The following RIMS1 variants were observed in gnomAD, a reference collection of about 807,000 sequenced individuals.
RIMS1 encodes the protein regulating synaptic membrane exocytosis protein 1.
In RIMS1, 83 loss-of-function variants were observed where a neutral mutation model predicts 214.1. The ratio of observed to expected loss-of-function variants is 0.39; its 90% CI spans 0.32 to 0.47. The LOEUF (loss-of-function observed/expected upper bound fraction) is 0.47. RIMS1 is among the 20% of genes least tolerant of loss of function. The pLI is 0.99. For synonymous variants in RIMS1, 793 were observed against 786.8 expected (o/e 1.01, Z -0.13); for missense variants, 2,050 against 2,161.8 (o/e 0.95, Z 1.03).
chr6:72,194,254 G>A (rs1264457492), intron 6 of RIMS1, among the ~76,000 whole-genome samples: 1 of 151,974 alleles, frequency 6.6e-6, no homozygotes, highest in South Asian at 2.1e-4. Flanking sequence ...AGAATAGTAT[G>A]TCATTTTTGA....
At chr6:72,186,176 C>T (rs2049067458) in intron 6 of RIMS1, among the ~76,000 whole-genome samples, 1 of 152,234 alleles carries the variant, frequency 6.6e-6, no homozygotes, top group Admixed American at 6.5e-5. Flanking sequence ...TTTCTGACTA[C>T]TTGGGGGTCA....
intron 4 of RIMS1, among the ~76,000 whole-genome samples, chr6:72,166,056 G>A (rs1451525406): frequency 2.0e-5 from 3 of 152,120 alleles, no homozygotes; most frequent in Non-Finnish European, 1.5e-5. Context: ...CACAGTTCTG[G>A]AGACTGAGAA....
Position 72,271,424 on chromosome 6 carries a change from A to T in RIMS1, c.3399-2925A>T, listed in dbSNP as rs1024138657. Among the ~76,000 whole-genome samples, 58 of 151,396 alleles carry T rather than the reference A, an allele frequency of 3.8e-4. 2 individuals are homozygous for T. The highest frequency in any genetic ancestry group is 3.8e-3 in the Admixed American group (57 of 15,166). On this transcript the variant is annotated intron_variant, in intron 22 of 33. Coordinates refer to ENST00000521978, the MANE Select transcript of RIMS1 (RefSeq NM_014989.7). The stretch of plus-strand genomic sequence containing the variant: ...AAAATATATATGTGTATAATCAGTT[A>T]TCTCATTTGTTTTGGTTTCTAATGT...
intron 2 of RIMS1, among the ~76,000 whole-genome samples, chr6:71,972,226 G>A (rs139673853): frequency 6.6e-6 from 1 of 152,270 alleles, no homozygotes; most frequent in African/African-American, 2.4e-5. Flanking sequence ...AATAAGGGAT[G>A]AAAAGTGTGC....
At chr6:72,275,120 G>A (rs1475403788) in intron 23 of RIMS1, among the ~76,000 whole-genome samples, 2 of 81,514 alleles carry the variant, frequency 2.5e-5, no homozygotes, top group African/African-American at 4.5e-5. Context: ...CTATTTTATG[G>A]TATATATATA....
chr6:72,002,702 A>G (rs1316920867), intron 2 of RIMS1, among the ~76,000 whole-genome samples: 2 of 152,174 alleles, frequency 1.3e-5, no homozygotes, highest in Non-Finnish European at 2.9e-5. Flanking sequence ...TGAACGGGGA[A>G]CTCAGGGCAG....
chr6:72,351,967 G>C lies in RIMS1; in HGVS notation c.4366+18132G>C, dbSNP rs187136698. ...TTACTTATGAGGAAATTGAAACACAGAGAGGTATGTAACATGCCTGAGTTC... is the reference window on the plus strand; with the variant it reads ...TTACTTATGAGGAAATTGAAACACACAGAGGTATGTAACATGCCTGAGTTC... On this transcript the variant is annotated intron_variant, in intron 29 of 33. Coordinates refer to ENST00000521978, the MANE Select transcript of RIMS1 (RefSeq NM_014989.7). 4.1e-4 allele frequency among the ~76,000 whole-genome samples: 63 copies of C among 152,278 alleles called. 2 individuals are homozygous for C. Among genetic ancestry groups the C allele is most frequent in the African/African-American group, 1.5e-3 (61 of 41,576 alleles).
In RIMS1 at chr6:71,973,122, C is replaced by A. The variant is rs529162128; in HGVS notation, c.245+4059C>A. Among the ~76,000 whole-genome samples the A allele has an allele frequency of 2.0e-3, 303 of 152,290 alleles. 4 individuals are homozygous for A. The highest frequency in any genetic ancestry group is 7.0e-3 in the African/African-American group (293 of 41,566). On this transcript the variant is annotated intron_variant, in intron 2 of 33. Transcript: ENST00000521978. ...ACAGGGTTTCACCATGTTGGTCAGG[C>A]TGGTCTTGAACTCCTGACTTCGTGA...
chr6:72,234,945 A>G (rs929113929), intron 7 of RIMS1, among the ~76,000 whole-genome samples: 2 of 152,014 alleles, frequency 1.3e-5, no homozygotes, highest in Non-Finnish European at 2.9e-5. Flanking sequence ...TTTTGTCTGG[A>G]TATGCCCAGT....
At chr6:72,029,392 A>G (rs1415469544) in intron 2 of RIMS1, among the ~76,000 whole-genome samples, 1 of 152,148 alleles carries the variant, frequency 6.6e-6, no homozygotes, top group Non-Finnish European at 1.5e-5. Context: ...TGCCAATGTA[A>G]GAGGTTGGGC....
chr6:72,094,378 T>C (rs2030487290), intron 2 of RIMS1, among the ~76,000 whole-genome samples: 1 of 152,174 alleles, frequency 6.6e-6, no homozygotes, highest in South Asian at 2.1e-4. Context: ...ATCTCAGTGG[T>C]CAGTGCCCTG....
chr6:72,054,855 T>G (rs192938048), intron 2 of RIMS1, among the ~76,000 whole-genome samples: 1 of 152,306 alleles, frequency 6.6e-6, no homozygotes, highest in Non-Finnish European at 1.5e-5. Context: ...ATTGCAAAAA[T>G]GTTCTCCCGT....
intron 9 of RIMS1, 119 bp downstream of exon 9, chr6:72,238,041 A>ATG (rs2065020513): frequency 2.4e-5 from 12 of 500,652 alleles, no homozygotes; most frequent in Non-Finnish European, 4.2e-5. Flanking sequence ...ATGTATGTAT[A>ATG]TATCAATTAA....
intron 4 of RIMS1, among the ~76,000 whole-genome samples, chr6:72,160,359 A>C (rs2045186569): frequency 7.2e-6 from 1 of 139,614 alleles, no homozygotes; most frequent in Admixed American, 7.4e-5. Context: ...TCGTTTCCTA[A>C]TTGAATACCC....
At chr6:72,378,646 A>G (rs1310656436) in intron 29 of RIMS1, among the ~76,000 whole-genome samples, 1 of 152,204 alleles carries the variant, frequency 6.6e-6, no homozygotes, top group African/African-American at 2.4e-5. Context: ...CCTGGCCAAC[A>G]TGGCAAAATT....
intron 6 of RIMS1, chr6:72,216,667 T>C (rs2056175251): frequency 2.1e-5 from 21 of 985,486 alleles, no homozygotes; most frequent in Non-Finnish European, 2.5e-5. Flanking sequence ...GACAGGCATC[T>C]GCTCAACCTT....
At chr6:72,251,803 C>T (rs6924165) in intron 15 of RIMS1, among the ~76,000 whole-genome samples, 99,397 of 151,894 alleles carry the variant, frequency 0.65, 32,997 homozygotes, top group East Asian at 0.98. Flanking sequence ...CTGCACCTCC[C>T]GGGTTTAAGC....
At chr6:72,000,664 G>T (rs966008338) in intron 2 of RIMS1, among the ~76,000 whole-genome samples, 4 of 152,116 alleles carry the variant, frequency 2.6e-5, no homozygotes, top group Non-Finnish European at 4.4e-5. Context: ...TTTGACTGCT[G>T]CTCTTGCCAT....
chr6:72,102,440 C>T (rs1437076393), intron 4 of RIMS1, among the ~76,000 whole-genome samples: 1 of 151,876 alleles, frequency 6.6e-6, no homozygotes, highest in African/African-American at 2.4e-5. Context: ...TTTTAAGTAT[C>T]ACATATAAAA....
Sources: gnomAD v4.1 joint callset for allele counts (sites outside exome capture counted in the v4.1 genomes callset) on GRCh38, gnomAD v4.1.1 for gene constraint, MANE v1.5 for transcripts, NCBI Gene and HGNC (gene_info 2026-07-23, HGNC 2026-07-21) for gene names.